Variants in RIT2 observed in about 807,000 individuals in gnomAD.
RIT2 encodes the protein Ras like without CAAX 2.
Under a neutral mutation model 23.7 loss-of-function variants are expected in RIT2, and 24 were observed. The observed-to-expected ratio is 1.01, with a 90% CI of 0.73 to 1.43. The LOEUF (loss-of-function observed/expected upper bound fraction) is 1.43. Ranked by LOEUF, RIT2 falls within the 40% of genes most tolerant of loss-of-function variation. The pLI, the probability that RIT2 is intolerant of heterozygous loss-of-function variation, is 0.00. For synonymous variants in RIT2, 107 were observed against 91.1 expected, an observed-to-expected ratio of 1.17 and a Z score of -0.99; for missense variants, 236 against 266.9, an observed-to-expected ratio of 0.88 and a Z score of 0.81.
At chr18:42,816,056 G>A (rs1305928216) in intron 4 of RIT2, among the ~76,000 whole-genome samples, 2 of 151,600 alleles carry the variant, frequency 1.3e-5, no homozygotes, top group Non-Finnish European at 2.9e-5. Flanking sequence ...TTTGATCTTT[G>A]AATCAGCTGA....
intron 4 of RIT2, among the ~76,000 whole-genome samples, chr18:42,843,072 A>G (rs1027610718): frequency 6.6e-6 from 1 of 152,198 alleles, no homozygotes; most frequent in Non-Finnish European, 1.5e-5. Flanking sequence ...TCTTCTAAGC[A>G]TTGGGAATAT....
chr18:42,923,489 G>T, intron 4 of RIT2, 83 bp downstream of exon 4: 2 of 1,126,358 alleles, frequency 1.8e-6, no homozygotes, highest in South Asian at 1.5e-5. Context: ...AATTTTCAGT[G>T]TGAACCTGGG....
chr18:42,830,309 G>C (rs142840460), intron 4 of RIT2, among the ~76,000 whole-genome samples: 56 of 152,300 alleles, frequency 3.7e-4, no homozygotes, highest in Admixed American at 3.2e-3. Flanking sequence ...ACTCAATTTG[G>C]TGTTGCCTGG....
intron 2 of RIT2, among the ~76,000 whole-genome samples, chr18:43,025,108 T>G (rs1182424821): frequency 6.6e-6 from 1 of 151,648 alleles, no homozygotes; most frequent in Admixed American, 6.6e-5. Flanking sequence ...CTCAGGAGGC[T>G]GAGGCAAGAG....
intron 4 of RIT2, among the ~76,000 whole-genome samples, chr18:42,847,025 A>G (rs1906928005): frequency 6.6e-6 from 1 of 152,110 alleles, no homozygotes; most frequent in African/African-American, 2.4e-5. Context: ...TCGGTTACAT[A>G]CGCCTCTTTC....
intron 1 of RIT2, among the ~76,000 whole-genome samples, chr18:43,085,053 A>G (rs1168719080): frequency 6.6e-6 from 1 of 152,072 alleles, no homozygotes; most frequent in East Asian, 1.9e-4. Context: ...AAAGAGTAGA[A>G]TGAGAAGGAA....
intron 2 of RIT2, among the ~76,000 whole-genome samples, chr18:43,001,690 T>C (rs1219585461): frequency 6.6e-6 from 1 of 152,062 alleles, no homozygotes; most frequent in East Asian, 1.9e-4. Flanking sequence ...ATCTGGAGAC[T>C]TGAAAGTTTA....
rs532085555 is a variant in RIT2, at chr18:43,045,954, C to A, written c.104-12087G>T. 4.4e-4 allele frequency among the ~76,000 whole-genome samples: 67 copies of A among 152,098 alleles called. 2 individuals carry two copies. In the South Asian group the frequency reaches 0.014, roughly 31 times the overall value. On this transcript the variant is annotated intron_variant, in intron 1 of 4. Transcript: ENST00000326695. ...TAATTACGGTAATAATGGTGATAAT[C>A]TTTATAATATTATATTTTCATAGGG...
At chr18:43,029,711 T>G (rs187901849) in intron 2 of RIT2, among the ~76,000 whole-genome samples, 2 of 151,960 alleles carry the variant, frequency 1.3e-5, no homozygotes, top group African/African-American at 4.8e-5. Flanking sequence ...GAACAATGCC[T>G]GAAACATAAA....
Position 43,115,477 on chromosome 18 carries a change from A to G in RIT2, c.43T>C (p.Ser15Pro). 6.2e-7 allele frequency: 1 copy of G among 1,613,594 alleles called. No individual in the cohort carries two copies. Among genetic ancestry groups the G allele is most frequent in the Non-Finnish European group, 8.5e-7 (1 of 1,179,782 alleles). Residue 15 changes from serine to proline, a missense_variant, in exon 1 of 5, where the codon TCA (serine) becomes CCA (proline). Coordinates refer to ENST00000326695, the MANE Select transcript of RIT2 (RefSeq NM_002930.4). ...NEASCSPGSA[S>P]GGSREYKVVM... ...ACCTTGTACTCTCTGGACCCGCCTG[A>G]TGCGCTGCCCGGGGAGCAGCTGGCT...
intron 4 of RIT2, among the ~76,000 whole-genome samples, chr18:42,870,662 C>A (rs1424725175): frequency 1.3e-5 from 2 of 151,910 alleles, no homozygotes; most frequent in Non-Finnish European, 2.9e-5. Context: ...AAATTCTAGG[C>A]AAGAAAACAA....
intron 4 of RIT2, among the ~76,000 whole-genome samples, chr18:42,791,356 C>T (rs1175015059): frequency 6.6e-6 from 1 of 152,034 alleles, no homozygotes; most frequent in Non-Finnish European, 1.5e-5. Context: ...AGTTTGTATC[C>T]CAGACTACTC....
At chr18:42,803,506 C>G (rs1263041764) in intron 4 of RIT2, among the ~76,000 whole-genome samples, 3 of 152,142 alleles carry the variant, frequency 2.0e-5, no homozygotes, top group African/African-American at 7.2e-5. Flanking sequence ...TTTGCAGTGG[C>G]TTGTAAACAA....
At chr18:42,838,281 T>C (rs1181927937) in intron 4 of RIT2, among the ~76,000 whole-genome samples, 1 of 152,172 alleles carries the variant, frequency 6.6e-6, no homozygotes, top group East Asian at 1.9e-4. Context: ...TTTCAAGAAA[T>C]AGCCCTTCTA....
chr18:43,044,262 C>T (rs1395470918), intron 1 of RIT2, among the ~76,000 whole-genome samples: 1 of 152,102 alleles, frequency 6.6e-6, no homozygotes, highest in African/African-American at 2.4e-5. Context: ...AAGAGGTATC[C>T]CGATCCCACT....
At chr18:42,787,039 G>T (rs1030570419) in intron 4 of RIT2, among the ~76,000 whole-genome samples, 4 of 152,058 alleles carry the variant, frequency 2.6e-5, no homozygotes, top group Non-Finnish European at 5.9e-5. Flanking sequence ...ATGTTTCCAG[G>T]AGGGATGAAG....
intron 4 of RIT2, among the ~76,000 whole-genome samples, chr18:42,796,382 A>G (rs1356888779): frequency 6.6e-6 from 1 of 152,128 alleles, no homozygotes; most frequent in Non-Finnish European, 1.5e-5. Context: ...CAAACTCCAG[A>G]CGCACCACCT....
chr18:43,069,698 CT>C (rs1458667760), intron 1 of RIT2, among the ~76,000 whole-genome samples: 2 of 151,976 alleles, frequency 1.3e-5, no homozygotes, highest in Non-Finnish European at 2.9e-5. Flanking sequence ...ATCTGAAATC[CT>C]TGCCAAAAAC....
At chr18:43,047,307 A>G (rs1186209948) in intron 1 of RIT2, among the ~76,000 whole-genome samples, 1 of 151,988 alleles carries the variant, frequency 6.6e-6, no homozygotes, top group Non-Finnish European at 1.5e-5. Flanking sequence ...CTCCCTTTCT[A>G]GAACTTGCTG....
Sources: gnomAD v4.1 joint callset for allele counts (sites outside exome capture counted in the v4.1 genomes callset) on GRCh38, gnomAD v4.1.1 for gene constraint, MANE v1.5 for transcripts, NCBI Gene and HGNC (gene_info 2026-07-23, HGNC 2026-07-21) for gene names.